ABI2: variants seen among roughly 807,000 people sequenced by gnomAD.
ABI2 encodes the protein abl interactor 2.
A neutral mutation model predicts 59.2 loss-of-function variants in ABI2; 25 were observed. The ratio of observed to expected loss-of-function variants is 0.42; its 90% CI spans 0.31 to 0.59. ABI2 has a LOEUF of 0.59. Among genes scored for constraint, ABI2 ranks in the 20% least tolerant of loss-of-function variants. The pLI is 0.14. For missense variants in ABI2, 545 were observed against 681.8 expected (o/e 0.80, Z 2.23); for synonymous variants, 213 against 235.5 (o/e 0.90, Z 0.87).
rs71007509 is a variant in ABI2 at position 203,370,186 on chromosome 2, TTCTCTCTCTCTCTCTC to T, written c.285+3168_285+3183del. 6.9e-3 allele frequency among the ~76,000 whole-genome samples: 942 copies of T among 136,728 alleles called. 9 individuals carry two copies. The highest frequency in any genetic ancestry group is 7.7e-3 in the Middle Eastern group (2 of 260). 89.7% of individuals were successfully genotyped at this position (136,728 alleles called of 152,430 possible). On this transcript the variant is annotated intron_variant, in intron 2 of 11. Transcript: ENST00000261018. ...GGCTACGTATGGTGTCATTCTCCTA[TTCTCTCTCTCTCTCTC>T]TCTCTCTCTCTCTCTCTCTCTCTCT...
rs745359563 is a variant in ABI2, at chr2:203,402,747, G to GT, written c.1192+20dup. On this transcript the variant is annotated intron_variant, in intron 9 of 11. Coordinates refer to ENST00000261018, the MANE Select transcript of ABI2 (RefSeq NM_001375670.1). ...AGCCAGAATCCAGGTTAGTTTTTTT[G>GT]TTTTTTTGCATTCTATAGAATGTAT... The GT allele has an allele frequency of 6.9e-5, 106 of 1,547,144 alleles. No homozygotes were observed. The highest frequency in any genetic ancestry group is 1.7e-4 in the Middle Eastern group (1 of 5,784).
intron 4 of ABI2, among the ~76,000 whole-genome samples, chr2:203,386,070 A>T (rs1471959874): frequency 6.6e-6 from 1 of 152,106 alleles, no homozygotes; most frequent in Non-Finnish European, 1.5e-5. Flanking sequence ...GGTGTCCCTT[A>T]GGAATTGAAG....
In ABI2 at chr2:203,378,417, G is replaced by GT. The variant is rs529272239; in HGVS notation, c.286-1784dup. Among the ~76,000 whole-genome samples, 386 of 152,022 alleles carry GT rather than the reference G, an allele frequency of 2.5e-3. 3 individuals carry two copies. Among genetic ancestry groups the GT allele is most frequent in the African/African-American group, 8.0e-3 (333 of 41,500 alleles). On this transcript the variant is annotated intron_variant, in intron 2 of 11. Transcript: ENST00000261018. ...TGAGCCACCATGCCTGGCTGAGATT[G>GT]TTTTTTTCTTGAATACTTAAAATTG...
At chr2:203,379,550 A>G (rs1314012071) in intron 2 of ABI2, among the ~76,000 whole-genome samples, 1 of 152,158 alleles carries the variant, frequency 6.6e-6, no homozygotes, top group Non-Finnish European at 1.5e-5. Context: ...TATTTTTAAC[A>G]TTATATTTCA....
intron 2 of ABI2, among the ~76,000 whole-genome samples, chr2:203,379,337 T>G (rs537597674): frequency 4.6e-5 from 7 of 152,272 alleles, no homozygotes; most frequent in African/African-American, 1.7e-4. Context: ...AGCTTTGACC[T>G]CCTGGACTCA....
intron 4 of ABI2, among the ~76,000 whole-genome samples, chr2:203,384,198 A>G (rs1041670841): frequency 6.6e-6 from 1 of 151,934 alleles, no homozygotes; most frequent in Non-Finnish European, 1.5e-5. Flanking sequence ...ATAGAATGCC[A>G]TATTGGAGGT....
intron 1 of ABI2, 90 bp downstream of exon 1, chr2:203,328,721 C>G: frequency 1.2e-6 from 1 of 804,634 alleles, no homozygotes; most frequent in South Asian, 2.3e-5. Flanking sequence ...GCCTCGGGGA[C>G]ACGGCCCAGC....
At chr2:203,339,717 C>T (rs932675209) in intron 1 of ABI2, among the ~76,000 whole-genome samples, 1 of 152,108 alleles carries the variant, frequency 6.6e-6, no homozygotes, top group African/African-American at 2.4e-5. Flanking sequence ...GACATCTGCA[C>T]ACCCATGTTC....
intron 1 of ABI2, chr2:203,355,108 C>T (rs886890643): frequency 9.3e-6 from 3 of 322,188 alleles, no homozygotes; most frequent in Admixed American, 8.9e-5. Context: ...TTCCCTTTTC[C>T]TCTTTGATGT....
chr2:203,402,582 C>G lies in ABI2; in HGVS notation c.1040C>G (p.Pro347Arg). The G allele has an allele frequency of 6.5e-7, 1 of 1,542,202 alleles. No individual in the cohort carries two copies. The highest frequency in any genetic ancestry group is 8.7e-7 in the Non-Finnish European group (1 of 1,151,780). The change falls in exon 9 of 12, where the codon CCT becomes CGT. Residue 347 changes from proline (P) to arginine (R), a missense_variant. This residue lies in a region of ABI2 where 410 missense variants were observed against 435.6 expected (regional missense o/e 0.94). Coordinates refer to ENST00000261018, the MANE Select transcript of ABI2 (RefSeq NM_001375670.1). ...TGTTCTATCTCTTTTTCAGGTCATCCTGTACAGTTCTACAGCATGAATAGG... is the reference window on the plus strand; with the variant it reads ...TGTTCTATCTCTTTTTCAGGTCATCGTGTACAGTTCTACAGCATGAATAGG... ...VVSSTPPTGH[P>R]VQFYSMNRPA...
chr2:203,362,981 C>T (rs910045078), intron 1 of ABI2, among the ~76,000 whole-genome samples: 1 of 152,080 alleles, frequency 6.6e-6, no homozygotes, highest in Non-Finnish European at 1.5e-5. Flanking sequence ...CAGGCATACA[C>T]CACCACGCCC....
At chr2:203,374,662 G>T (rs1161187826) in intron 2 of ABI2, among the ~76,000 whole-genome samples, 2 of 151,912 alleles carry the variant, frequency 1.3e-5, no homozygotes, top group Non-Finnish European at 2.9e-5. Flanking sequence ...AAATTACTCT[G>T]TTAGTAACTA....
chr2:203,360,705 AGAT>A (rs1255866653), intron 1 of ABI2, among the ~76,000 whole-genome samples: 1 of 152,236 alleles, frequency 6.6e-6, no homozygotes, highest in African/African-American at 2.4e-5. Flanking sequence ...GTGAAACAAC[AGAT>A]GATGAGTGAG....
At chr2:203,411,193 CTCCTTTATGTGTTTATT>C in intron 9 of ABI2, 75 bp from the exon 10 acceptor site, 1 of 992,314 alleles carries the variant, frequency 1.0e-6, no homozygotes, top group Non-Finnish European at 1.6e-6. Flanking sequence ...AGTAGTTTCC[CTCCTTTATGTGTTTATT>C]TTATTGTATT....
intron 11 of ABI2, among the ~76,000 whole-genome samples, chr2:203,418,222 T>G (rs1037588056): frequency 2.6e-5 from 4 of 152,204 alleles, no homozygotes; most frequent in Non-Finnish European, 4.4e-5. Flanking sequence ...ATAGACAAAA[T>G]ATTTCCACGT....
At position 203,429,669 on chromosome 2, in the gene ABI2, A is replaced by T. The variant is rs2098466848; in HGVS notation, c.*2317A>T. On this transcript the variant is annotated 3_prime_UTR_variant, in exon 12 of 12. Transcript: ENST00000261018. ...CTACTTGGGAGGCTGAGGCAGGAGA[A>T]TCACTGGAACCTGGGAGGCAGAGGT... 1 of 151,968 alleles carries T rather than the reference A, an allele frequency of 6.6e-6. No homozygotes were observed. Among genetic ancestry groups the T allele is most frequent in the Non-Finnish European group, 1.5e-5 (1 of 68,110 alleles). The allele number at this position is 151,968 out of a possible 1,614,324, so 9.4% of individuals were successfully genotyped here.
At chr2:203,373,427 C>G (rs772489879) in intron 2 of ABI2, among the ~76,000 whole-genome samples, 83 of 152,192 alleles carry the variant, frequency 5.5e-4, no homozygotes, top group Non-Finnish European at 4.4e-5. Flanking sequence ...AGTCCAGCTT[C>G]TGCTCGGCAT....
chr2:203,342,321 C>T (rs770705051), intron 1 of ABI2: 6 of 430,858 alleles, frequency 1.4e-5, no homozygotes, highest in South Asian at 8.6e-5. Flanking sequence ...TGGAGTTGAA[C>T]TGCATATAAT....
rs1045140550 is a variant in ABI2, at chr2:203,430,721, G to A, written c.*3369G>A. Reference sequence around the variant, plus strand: ...TTTTGCTATGTTCCTAAAAGTTACTGGGTGTGAGACATTTTCATCCCCTCC... The same window carrying A: ...TTTTGCTATGTTCCTAAAAGTTACTAGGTGTGAGACATTTTCATCCCCTCC... On this transcript the variant is annotated 3_prime_UTR_variant, in exon 12 of 12. Transcript: ENST00000261018. 6 of 152,170 alleles carry A rather than the reference G, an allele frequency of 3.9e-5. No individual in the cohort carries two copies. Among genetic ancestry groups the A allele is most frequent in the African/African-American group, 1.4e-4 (6 of 41,430 alleles). 9.4% of individuals were successfully genotyped at this position (152,170 alleles called of 1,614,324 possible).
Sources: gnomAD v4.1 joint callset for allele counts (sites outside exome capture counted in the v4.1 genomes callset) on GRCh38, gnomAD v4.1.1 for gene constraint, gnomAD v4.1.1 regional missense constraint, MANE v1.5 for transcripts, NCBI Gene and HGNC (gene_info 2026-07-23, HGNC 2026-07-21) for gene names.